Variants in ITGA5 observed in about 807,000 individuals in gnomAD.
The protein encoded by ITGA5 is integrin subunit alpha 5.
ITGA5 carries 55 observed loss-of-function variants against 146.3 expected under a neutral mutation model. That is an observed-to-expected ratio of 0.38 (90% CI 0.30 to 0.47). ITGA5 has a LOEUF of 0.47. ITGA5 is among the 20% of genes least tolerant of loss of function. ITGA5 has a pLI of 0.99. For synonymous variants in ITGA5, 500 were observed against 531.8 expected (o/e 0.94, Z 0.82); for missense variants, 1,131 against 1,329.0 (o/e 0.85, Z 2.32).
At chr12:54,404,015 T>C in intron 15 of ITGA5, 49 bp from the exon 16 acceptor site, 1 of 1,601,404 alleles carries the variant, frequency 6.2e-7, no homozygotes, top group Middle Eastern at 1.7e-4. Context: ...GGAACAGACA[T>C]CCTATCCTCT....
In ITGA5 at chr12:54,398,509, C is replaced by G. The variant is rs1055335898; in HGVS notation, c.2943+88G>C. 6 of 886,540 alleles carry G rather than the reference C, an allele frequency of 6.8e-6. No homozygotes were observed. The Admixed American group carries it at 1.5e-4, about 22-fold the overall frequency. The allele number at this position is 886,540 out of a possible 1,614,324, so 54.9% of individuals were successfully genotyped here. ...ACATTCTCAACAGTTGTTAACAATA[C>G]CAAGGCCAGCCCTCACCCAAGTCCC... On this transcript the variant is annotated intron_variant, in intron 28 of 29. Coordinates refer to ENST00000293379, the MANE Select transcript of ITGA5 (RefSeq NM_002205.5).
At position 54,401,128 on chromosome 12, in the gene ITGA5, G is replaced by A; in HGVS notation, c.2494-133C>T. On this transcript the variant is annotated intron_variant, in intron 24 of 29. Transcript: ENST00000293379. This position sits in a 1 kb window ranked among gnomAD's most constrained non-coding sequence, Gnocchi z 5.0. Reference sequence around the variant, plus strand: ...TCAGAGATGAAGCAGGGAAGCAATGGGCAGAGGTGAAATCCTCTCTAGCCA... The same window carrying A: ...TCAGAGATGAAGCAGGGAAGCAATGAGCAGAGGTGAAATCCTCTCTAGCCA... 1 of 975,248 alleles carries A rather than the reference G, an allele frequency of 1.0e-6. No homozygotes were observed. Among genetic ancestry groups the A allele is most frequent in the Non-Finnish European group, 1.5e-6 (1 of 660,668 alleles). The allele number at this position is 975,248 out of a possible 1,614,324, so 60.4% of individuals were successfully genotyped here.
chr12:54,397,536 A>G (rs1955727993), intron 28 of ITGA5, 49 bp from the exon 29 acceptor site: 1 of 1,607,416 alleles, frequency 6.2e-7, no homozygotes, highest in Non-Finnish European at 8.5e-7. Context: ...AGTTCTTTCT[A>G]CCCTATACTT....
intron 1 of ITGA5, among the ~76,000 whole-genome samples, chr12:54,414,237 G>T (rs1175309054): frequency 6.6e-6 from 1 of 152,214 alleles, no homozygotes; most frequent in African/African-American, 2.4e-5. Flanking sequence ...GCCAAGTGAG[G>T]TGACTGGTGC....
At chr12:54,413,329 G>C (rs1222848238) in intron 1 of ITGA5, 3 of 152,906 alleles carry the variant, frequency 2.0e-5, no homozygotes, top group Non-Finnish European at 4.4e-5. Context: ...AGAGTGAGGA[G>C]GGGTCTGTGA....
At position 54,401,568 on chromosome 12, in the gene ITGA5, T is replaced by A; in HGVS notation, c.2387+17A>T. On this transcript the variant is annotated intron_variant, in intron 23 of 29. Transcript: ENST00000293379. This position sits in a 1 kb window ranked among gnomAD's most constrained non-coding sequence, Gnocchi z 5.0. The stretch of plus-strand genomic sequence containing the variant: ...TGTGTCCCCTCTCAGAAAGACCCCA[T>A]TTTGCCTGGCACTGACCCGTTCAGG... 1 of 1,613,320 alleles carries A rather than the reference T, an allele frequency of 6.2e-7. No individual in the cohort carries two copies. Among genetic ancestry groups the A allele is most frequent in the Non-Finnish European group, 8.5e-7 (1 of 1,179,328 alleles).
Position 54,396,356 on chromosome 12 carries a change from G to T in ITGA5, c.3087C>A (p.Ser1029=). ...TTTCCATGGCGGTGCCATATGGGAG[G>T]GAGCGTTTGAAGAATCCAAGCTGAT... ...ILYKLGFFKR[S]LPYGTAMEKA... is the part of the protein sequence containing the mutation. The change falls in exon 30 of 30, where the codon TCC becomes TCA. Residue 1029 remains serine, a synonymous_variant. Coordinates refer to ENST00000293379, the MANE Select transcript of ITGA5 (RefSeq NM_002205.5). The T allele has an allele frequency of 6.2e-7, 1 of 1,614,050 alleles. No homozygotes were observed. Among genetic ancestry groups the T allele is most frequent in the African/African-American group, 1.3e-5 (1 of 75,030 alleles).
In ITGA5 at chr12:54,401,281, C is replaced by T. The variant is rs1955780858; in HGVS notation, c.2493+92G>A. ...ACTTACTCCTCCCTCCTCTCTTTCT[C>T]TCAGTCCCTCACATGGGTTCCAGCC... is the stretch of plus-strand genomic sequence containing the variant. On this transcript the variant is annotated intron_variant, in intron 24 of 29. Transcript: ENST00000293379. The surrounding 1 kb of genome is among the most constrained non-coding windows in gnomAD (Gnocchi z 5.0). The T allele has an allele frequency of 2.0e-6, 2 of 979,660 alleles. No homozygotes were observed. Among genetic ancestry groups the T allele is most frequent in the Non-Finnish European group, 3.3e-6 (2 of 609,708 alleles). 60.7% of individuals were successfully genotyped at this position (979,660 alleles called of 1,614,324 possible).
intron 29 of ITGA5, among the ~76,000 whole-genome samples, chr12:54,397,101 G>T (rs914688288): frequency 1.3e-5 from 2 of 152,160 alleles, no homozygotes; most frequent in Non-Finnish European, 2.9e-5. Flanking sequence ...CAAATGCCAC[G>T]TATTTGTCAT....
At chr12:54,418,935 A>G in intron 1 of ITGA5, 46 bp downstream of exon 1, 1 of 1,559,240 alleles carries the variant, frequency 6.4e-7, no homozygotes, top group Non-Finnish European at 8.8e-7. Context: ...CCCAGTCTCC[A>G]GGCGGCTCCC....
At position 54,409,678 on chromosome 12, in the gene ITGA5, T is replaced by C. The variant is rs1955916662; in HGVS notation, c.350-81A>G. The C allele has an allele frequency of 1.1e-6, 1 of 877,480 alleles. No homozygotes were observed. The allele number at this position is 877,480 out of a possible 1,614,324, so 54.4% of individuals were successfully genotyped here. On this transcript the variant is annotated intron_variant, in intron 2 of 29. Transcript: ENST00000293379. This position sits in a 1 kb window ranked among gnomAD's most constrained non-coding sequence, Gnocchi z 4.7. ...GCAGCCCCTACCCTCAGCCTGGGGA[T>C]ACCCAACAAACGCTTCCAAGCCCTG...
In ITGA5 at chr12:54,403,187, C is replaced by T; in HGVS notation, c.1914G>A (p.Lys638=). The T allele has an allele frequency of 6.4e-7, 1 of 1,564,512 alleles. No individual in the cohort carries two copies. Among genetic ancestry groups the T allele is most frequent in the Non-Finnish European group, 8.6e-7 (1 of 1,156,382 alleles). ...HYQSKSRIED[K]AQILLDCGED... ...TCCCTTCTCCCTGCCCTGTCCTCAC[C>T]TTGTCCTCTATCCGGCTCTTGCTCT... Residue 638 remains lysine (K), a splice_region_variant and synonymous_variant, in exon 18 of 30, where the codon AAG becomes AAA. Transcript: ENST00000293379. This position sits in a 1 kb window ranked among gnomAD's most constrained non-coding sequence, Gnocchi z 4.9.
chr12:54,408,132 G>A lies in ITGA5; in HGVS notation c.795C>T (p.Ser265=). Residue 265 remains serine (S), a synonymous_variant, in exon 7 of 30, where the codon TCC becomes TCT. Transcript: ENST00000293379. ...QGQLQTRQAS[S]IYDDSYLGYS... ...CACCTAGGTAGCTGTCATCATAGAT[G>A]GAACTGGCCTGGCGAGTCTGCAGCT... 2 of 1,614,160 alleles carry A rather than the reference G, an allele frequency of 1.2e-6. No homozygotes were observed. Among genetic ancestry groups the A allele is most frequent in the Admixed American group, 1.7e-5 (1 of 60,012 alleles).
Position 54,401,351 on chromosome 12 carries a change from G to A in ITGA5, c.2493+22C>T. On this transcript the variant is annotated intron_variant, in intron 24 of 29. Coordinates refer to ENST00000293379, the MANE Select transcript of ITGA5 (RefSeq NM_002205.5). This position sits in a 1 kb window ranked among gnomAD's most constrained non-coding sequence, Gnocchi z 5.0. Reference sequence around the variant, plus strand: ...TCCTCCTTTCCCATCATTCATTCTGGCCCTGCCCCTTCCCCCCTTACCTCA... The same window carrying A: ...TCCTCCTTTCCCATCATTCATTCTGACCCTGCCCCTTCCCCCCTTACCTCA... The A allele has an allele frequency of 6.6e-7, 1 of 1,512,028 alleles. No individual in the cohort carries two copies. The highest frequency in any genetic ancestry group is 9.2e-7 in the Non-Finnish European group (1 of 1,087,580). 93.7% of individuals were successfully genotyped at this position (1,512,028 alleles called of 1,614,324 possible). A position where few individuals can be genotyped will look rare whatever the true frequency, so the allele number is the denominator to read the frequency against.
chr12:54,419,252 C>T lies in ITGA5; in HGVS notation c.-54G>A. On this transcript the variant is annotated 5_prime_UTR_variant, in exon 1 of 30. Coordinates refer to ENST00000293379, the MANE Select transcript of ITGA5 (RefSeq NM_002205.5). Reference sequence around the variant, plus strand: ...ACCGACCCGGAGCCGCTTCCTAAACCTCCCAGAGGCGAATGACTCAACGCG... The same window carrying T: ...ACCGACCCGGAGCCGCTTCCTAAACTTCCCAGAGGCGAATGACTCAACGCG... 2 of 1,533,272 alleles carry T rather than the reference C, an allele frequency of 1.3e-6. No homozygotes were observed. The highest frequency in any genetic ancestry group is 1.8e-6 in the Non-Finnish European group (2 of 1,136,388). The allele number at this position is 1,533,272 out of a possible 1,614,324, so 95.0% of individuals were successfully genotyped here.
chr12:54,414,617 C>T lies in ITGA5; in HGVS notation c.219-2653G>A, dbSNP rs562677716. The stretch of plus-strand genomic sequence containing the variant: ...ATCCCAGCACTTTGGGAGGCCGAGA[C>T]GGGCAGATCACGAGGTCAGGAGATC... On this transcript the variant is annotated intron_variant, in intron 1 of 29. Transcript: ENST00000293379. Among the ~76,000 whole-genome samples, 60 of 151,718 alleles carry T rather than the reference C, an allele frequency of 4.0e-4. No homozygotes were observed. In the South Asian group the frequency reaches 0.012, roughly 31 times the overall value.
At chr12:54,410,104 C>T (rs1955923582) in intron 2 of ITGA5, among the ~76,000 whole-genome samples, 1 of 152,090 alleles carries the variant, frequency 6.6e-6, no homozygotes, top group Non-Finnish European at 1.5e-5. Context: ...ACCTGCCCGC[C>T]TCAGCCTCCC....
rs767258955 is a variant in ITGA5 at position 54,401,732 on chromosome 12, T to C, written c.2306+44A>G. On this transcript the variant is annotated intron_variant, in intron 22 of 29. Coordinates refer to ENST00000293379, the MANE Select transcript of ITGA5 (RefSeq NM_002205.5). The surrounding 1 kb of genome is among the most constrained non-coding windows in gnomAD (Gnocchi z 5.0). ...GTGAGAATGGCGCCCAGCCCTCCCT[T>C]CCGTCCCCAGCTCAGCCCCAGCCTA... The C allele has an allele frequency of 6.2e-7, 1 of 1,611,418 alleles. No individual in the cohort carries two copies. Among genetic ancestry groups the C allele is most frequent in the Non-Finnish European group, 8.5e-7 (1 of 1,177,690 alleles).
Position 54,409,126 on chromosome 12 carries a change from G to C in ITGA5, c.583+106C>G. 2.7e-6 allele frequency: 4 copies of C among 1,502,120 alleles called. No homozygotes were observed. The highest frequency in any genetic ancestry group is 3.6e-6 in the Non-Finnish European group (4 of 1,107,026). 93.0% of individuals were successfully genotyped at this position (1,502,120 alleles called of 1,614,324 possible). On this transcript the variant is annotated intron_variant, in intron 4 of 29. Transcript: ENST00000293379. The surrounding 1 kb of genome is among the most constrained non-coding windows in gnomAD (Gnocchi z 4.7). ...GTTAGCCTTTATCTTAAGCAACCTA[G>C]AACCTCATGGGGGCACATGGTAGGT...
Sources: gnomAD v4.1 joint callset for allele counts (sites outside exome capture counted in the v4.1 genomes callset) on GRCh38, gnomAD v4.1.1 for gene constraint, Gnocchi (gnomAD v3.1) non-coding constraint, MANE v1.5 for transcripts, NCBI Gene and HGNC (gene_info 2026-07-23, HGNC 2026-07-21) for gene names.